LEMD1: variants seen among roughly 807,000 people sequenced by gnomAD.
LEMD1 encodes the protein LEM domain-containing protein 1.
LEMD1 carries 18 observed loss-of-function variants against 17.4 expected under a neutral mutation model. The ratio of observed to expected loss-of-function variants is 1.04; its 90% CI spans 0.72 to 1.54. The LOEUF (loss-of-function observed/expected upper bound fraction) is 1.54, where lower values mean the gene tolerates loss of function less well. LEMD1 is among the 40% of genes most tolerant of loss of function. The probability of loss-of-function intolerance (pLI) is 0.00; values close to 1 mark genes in which losing one functional copy is unlikely to be tolerated. For synonymous variants in LEMD1, 88 were observed against 77.8 expected, an observed-to-expected ratio of 1.13 and a Z score of -0.69; for missense variants, 195 against 210.4, an observed-to-expected ratio of 0.93 and a Z score of 0.45.
At chr1:205,439,406 A>C (rs190615238) in intron 1 of LEMD1, among the ~76,000 whole-genome samples, 1 of 152,304 alleles carries the variant, frequency 6.6e-6, no homozygotes, top group East Asian at 1.9e-4. Flanking sequence ...CATAAAGACA[A>C]CCTGAATCCC....
chr1:205,382,623 C>G (rs895274103), intron 5 of LEMD1, among the ~76,000 whole-genome samples: 3 of 152,130 alleles, frequency 2.0e-5, no homozygotes, highest in Non-Finnish European at 4.4e-5. Flanking sequence ...TCAAATCCCA[C>G]AAAACATTTC....
At chr1:205,419,965 CA>C (rs1665884872) in intron 2 of LEMD1, among the ~76,000 whole-genome samples, 1 of 152,038 alleles carries the variant, frequency 6.6e-6, no homozygotes, top group Non-Finnish European at 1.5e-5. Flanking sequence ...ATACTAAAAA[CA>C]AAACAAAAAA....
intron 1 of LEMD1, among the ~76,000 whole-genome samples, chr1:205,421,247 A>G (rs1665948128): frequency 1.3e-5 from 2 of 152,202 alleles, no homozygotes. Flanking sequence ...CTCAAATTCA[A>G]TCAGTTTTAT....
chr1:205,439,204 T>C (rs1224496407), intron 1 of LEMD1, among the ~76,000 whole-genome samples: 1 of 151,700 alleles, frequency 6.6e-6, no homozygotes, highest in African/African-American at 2.4e-5. Context: ...AACCAGGGAG[T>C]TTTTCTTCTG....
At chr1:205,440,800 G>A (rs1199786037) in intron 1 of LEMD1, 1 of 152,498 alleles carries the variant, frequency 6.6e-6, no homozygotes, top group Admixed American at 6.5e-5. Flanking sequence ...GTCAGGCTGA[G>A]AAGAGCACTG....
upstream of LEMD1, among the ~76,000 whole-genome samples, chr1:205,424,936 C>A (rs1241093532): frequency 6.6e-6 from 1 of 152,204 alleles, no homozygotes; most frequent in Non-Finnish European, 1.5e-5. Flanking sequence ...GAGGTTATTA[C>A]AACACTCTAG....
chr1:205,408,873 C>A (rs970946371), intron 4 of LEMD1, among the ~76,000 whole-genome samples: 6 of 152,036 alleles, frequency 3.9e-5, no homozygotes, highest in Non-Finnish European at 8.8e-5. Flanking sequence ...ACAACAACAA[C>A]AAAAAACAAG....
chr1:205,388,560 A>T (rs1248447604), intron 4 of LEMD1, among the ~76,000 whole-genome samples: 1 of 152,200 alleles, frequency 6.6e-6, no homozygotes, highest in Non-Finnish European at 1.5e-5. Context: ...GAGGAAGTAG[A>T]GGCTTAGGGA....
intron 4 of LEMD1, among the ~76,000 whole-genome samples, chr1:205,400,848 C>CTT (rs1288201048): frequency 8.9e-6 from 1 of 112,116 alleles, no homozygotes; most frequent in Non-Finnish European, 1.9e-5. Context: ...ATCCCTCCCC[C>CTT]CCCCCACCCC....
upstream of LEMD1, among the ~76,000 whole-genome samples, chr1:205,426,104 A>T (rs182013298): frequency 6.6e-6 from 1 of 152,142 alleles, no homozygotes; most frequent in Non-Finnish European, 1.5e-5. Context: ...CCTGCTATAC[A>T]AAGTTAGGAA....
At chr1:205,424,850 G>A (rs902905495), upstream of LEMD1, among the ~76,000 whole-genome samples, 1 of 152,160 alleles carries the variant, frequency 6.6e-6, no homozygotes, top group Admixed American at 6.5e-5. Flanking sequence ...ATAGCTCATG[G>A]TATAATTACA....
Position 205,384,275 on chromosome 1 carries a change from A to G in LEMD1, c.347+13T>C. 6.9e-7 allele frequency: 1 copy of G among 1,454,004 alleles called. No individual in the cohort carries two copies. Among genetic ancestry groups the G allele is most frequent in the Non-Finnish European group, 9.1e-7 (1 of 1,093,926 alleles). 90.1% of individuals were successfully genotyped at this position (1,454,004 alleles called of 1,614,324 possible). On this transcript the variant is annotated intron_variant, in intron 5 of 5. Transcript: ENST00000367153. The stretch of plus-strand genomic sequence containing the variant: ...TAATATCAATTTCCACATATGCTAA[A>G]AAACATCATTACCTTCTTCCCTTGG...
chr1:205,432,591 C>A (rs1000344665), intron 1 of LEMD1, among the ~76,000 whole-genome samples: 33 of 152,222 alleles, frequency 2.2e-4, no homozygotes, highest in Middle Eastern at 3.2e-3. Flanking sequence ...TAAGGCTTAC[C>A]TGTGACAGAA....
intron 3 of LEMD1, among the ~76,000 whole-genome samples, chr1:205,418,542 G>A (rs1352256909): frequency 6.6e-6 from 1 of 152,112 alleles, no homozygotes; most frequent in Non-Finnish European, 1.5e-5. Flanking sequence ...TTTAGACGGA[G>A]TCTCGCTCTG....
chr1:205,423,113 C>T (rs540175879), upstream of LEMD1, among the ~76,000 whole-genome samples: 56 of 152,244 alleles, frequency 3.7e-4, no homozygotes, highest in African/African-American at 1.2e-3. Context: ...TACACTTGCC[C>T]GTGGGAGTCT....
intron 1 of LEMD1, among the ~76,000 whole-genome samples, chr1:205,433,436 A>C (rs531994483): frequency 5.3e-5 from 8 of 152,296 alleles, no homozygotes; most frequent in Admixed American, 1.3e-4. Context: ...CAGCCTGGGC[A>C]ACAGAGCGAG....
chr1:205,436,712 G>C (rs112476983), intron 1 of LEMD1: 1 of 152,180 alleles, frequency 6.6e-6, no homozygotes, highest in African/African-American at 2.4e-5. Context: ...CTGTCAGCTT[G>C]ATCACCTGCT....
At chr1:205,411,415 C>G (rs1406094803) in intron 4 of LEMD1, among the ~76,000 whole-genome samples, 1 of 151,722 alleles carries the variant, frequency 6.6e-6, no homozygotes, top group Admixed American at 6.6e-5. Context: ...TTTAGCCGGG[C>G]GTGGTGGCGG....
rs557957624 is a variant in LEMD1 at position 205,437,637 on chromosome 1, G to C, written c.-39+12231C>G. ...CACGGAGTGCATCTGTGAGGGCAGA[G>C]GAAACCTGCGACCCTCTGGTTCCAC... On this transcript the variant is annotated intron_variant, in intron 1 of 3. Transcript: ENST00000367154. 4 of 152,364 alleles carry C rather than the reference G, an allele frequency of 2.6e-5. No individual in the cohort carries two copies. The South Asian group carries it at 8.3e-4, about 32-fold the overall frequency. 9.4% of individuals were successfully genotyped at this position (152,364 alleles called of 1,614,324 possible). A position where few individuals can be genotyped will look rare whatever the true frequency, so the allele number is the denominator to read the frequency against.
Sources: allele counts gnomAD v4.1 joint callset (sites outside exome capture counted in the v4.1 genomes callset), GRCh38; gene constraint gnomAD v4.1.1; transcripts MANE v1.5; gene names NCBI Gene and HGNC (gene_info 2026-07-23, HGNC 2026-07-21).